Variants in EML6 observed in about 807,000 individuals in gnomAD.
EML6 encodes EMAP like 6.
EML6 carries 154 observed loss-of-function variants against 240.1 expected under a neutral mutation model. The ratio of observed to expected loss-of-function variants is 0.64; its 90% CI spans 0.56 to 0.73. The LOEUF (loss-of-function observed/expected upper bound fraction) is 0.73. Ranked by LOEUF, EML6 falls within the 30% of genes least tolerant of loss-of-function variation. EML6 has a pLI of 0.00. For synonymous variants in EML6, 1,148 were observed against 899.0 expected (o/e 1.28, Z -4.95); for missense variants, 2,964 against 2,474.6 (o/e 1.20, Z -4.20).
rs532514524 is a variant in EML6, at chr2:54,874,038, T to A, written c.2344+2433T>A. ...AAATTTAGAGTAATATAAATAGAAT[T>A]TAATCATTTGGTTATTTCCTCTATA... is the stretch of plus-strand genomic sequence containing the variant. On this transcript the variant is annotated intron_variant, in intron 16 of 41. Transcript: ENST00000356458. Among the ~76,000 whole-genome samples the A allele has an allele frequency of 2.0e-4, 31 of 152,360 alleles. No individual in the cohort carries two copies. The South Asian group carries it at 6.0e-3, about 30-fold the overall frequency.
intron 5 of EML6, among the ~76,000 whole-genome samples, chr2:54,825,345 A>G (rs565456089): frequency 6.6e-6 from 1 of 152,286 alleles, no homozygotes; most frequent in African/African-American, 2.4e-5. Flanking sequence ...AATGTTTTCC[A>G]AAGCTTATAC....
At chr2:54,731,337 T>C (rs1051700113) in intron 2 of EML6, among the ~76,000 whole-genome samples, 4 of 152,190 alleles carry the variant, frequency 2.6e-5, no homozygotes, top group African/African-American at 7.2e-5. Context: ...TGTGACATCA[T>C]GAATCTAATT....
chr2:54,736,742 C>G (rs998850934), intron 2 of EML6, among the ~76,000 whole-genome samples: 2 of 152,260 alleles, frequency 1.3e-5, no homozygotes, highest in East Asian at 3.9e-4. Context: ...TCATTGTGGT[C>G]CCCTGGTTTT....
rs759489076 is a variant in EML6 at position 54,847,558 on chromosome 2, C to T, written c.1122C>T (p.Phe374=). ...AAGAGGCGGTTCGCAGTGTAGCTTT[C>T]AGCCCCGACGGATCTCAGCTGGCCC... The part of the protein sequence containing the change: ...NMEEAVRSVA[F]SPDGSQLALG... Residue 374 remains phenylalanine (F), a synonymous_variant, in exon 9 of 42, where the codon TTC becomes TTT. Transcript: ENST00000356458. 3.5e-5 allele frequency: 54 copies of T among 1,552,202 alleles called. No individual in the cohort carries two copies. The highest frequency in any genetic ancestry group is 4.4e-5 in the Non-Finnish European group (51 of 1,147,152).
chr2:54,928,460 G>T lies in EML6; in HGVS notation c.3823G>T (p.Glu1275Ter). 1.3e-6 allele frequency: 2 copies of T among 1,550,298 alleles called. No individual in the cohort carries two copies. The highest frequency in any genetic ancestry group is 1.4e-5 in the African/African-American group (1 of 73,084). ...IWTREFVGTQ[E>*]SKLVDSEESD... is the part of the protein sequence containing the mutation. ...GACCAGGGAGTTTGTGGGGACCCAG[G>T]AGAGCAAGCTGGTGGACAGCGAGGA... Residue 1275 changes from glutamate to a stop codon, truncating the protein, a stop_gained, in exon 27 of 42, where the codon GAG (glutamate) becomes TAG (stop). Coordinates refer to ENST00000356458, the MANE Select transcript of EML6 (RefSeq NM_001039753.4). LOFTEE classifies it high-confidence loss of function.
At chr2:54,805,342 A>G (rs1485785335) in intron 2 of EML6, among the ~76,000 whole-genome samples, 2 of 152,244 alleles carry the variant, frequency 1.3e-5, no homozygotes, top group South Asian at 2.1e-4. Flanking sequence ...TTGCTAGATC[A>G]TAATGGTACG....
chr2:54,737,422 C>A (rs1683447031), intron 2 of EML6, among the ~76,000 whole-genome samples: 1 of 152,170 alleles, frequency 6.6e-6, no homozygotes, highest in Non-Finnish European at 1.5e-5. Flanking sequence ...CCTCAGCCTT[C>A]TGAGTAGCTG....
At chr2:54,886,160 CTTTTTTTT>C (rs869107962) in intron 17 of EML6, among the ~76,000 whole-genome samples, 2 of 82,216 alleles carry the variant, frequency 2.4e-5, no homozygotes, top group Admixed American at 1.7e-4. Context: ...TTTTAACCTT[CTTTTTTTT>C]TTTTTTTTTT....
chr2:54,863,493 C>A (rs1233186863), intron 12 of EML6, among the ~76,000 whole-genome samples: 3 of 152,046 alleles, frequency 2.0e-5, no homozygotes, highest in Non-Finnish European at 4.4e-5. Flanking sequence ...TGCGTTCCAG[C>A]CTAGGAGACA....
At chr2:54,946,944 A>G (rs1249142003) in intron 28 of EML6, among the ~76,000 whole-genome samples, 1 of 151,642 alleles carries the variant, frequency 6.6e-6, no homozygotes, top group Non-Finnish European at 1.5e-5. Flanking sequence ...AAAGCATCGG[A>G]TTGCGTCTGT....
At chr2:54,775,158 A>C (rs1016647762) in intron 2 of EML6, among the ~76,000 whole-genome samples, 5 of 152,164 alleles carry the variant, frequency 3.3e-5, no homozygotes, top group African/African-American at 1.2e-4. Context: ...GGTAGCCAAA[A>C]TAAGCCTTTA....
At position 54,724,875 on chromosome 2, in the gene EML6, C is replaced by A. The variant is rs556847028; in HGVS notation, c.-187C>A. 1.1e-3 allele frequency: 304 copies of A among 283,196 alleles called. 1 individual carries two copies. The highest frequency in any genetic ancestry group is 6.5e-3 in the African/African-American group (287 of 44,124). 17.5% of individuals were successfully genotyped at this position (283,196 alleles called of 1,614,324 possible). On this transcript the variant is annotated 5_prime_UTR_variant, in exon 2 of 42. Transcript: ENST00000356458. This position sits in a 1 kb window ranked among gnomAD's most constrained non-coding sequence, Gnocchi z 5.2. ...TCTGGCGGCCGCACACCGGCGGCGG[C>A]GGCTTGTCTGCGGCGGCTGCAGCGG... is the stretch of plus-strand genomic sequence containing the variant.
At chr2:54,822,495 G>C (rs1401582386) in intron 5 of EML6, among the ~76,000 whole-genome samples, 1 of 152,100 alleles carries the variant, frequency 6.6e-6, no homozygotes, top group Non-Finnish European at 1.5e-5. Flanking sequence ...CCAAACAGAA[G>C]ATCTGAAACC....
chr2:54,844,574 G>A (rs1301391542), intron 8 of EML6, among the ~76,000 whole-genome samples: 2 of 152,156 alleles, frequency 1.3e-5, no homozygotes, highest in Non-Finnish European at 2.9e-5. Flanking sequence ...CGTGCCCTTG[G>A]TCTTCTGCAG....
chr2:54,859,745 A>G (rs1049732912), intron 12 of EML6, 44 bp downstream of exon 12: 1 of 1,478,210 alleles, frequency 6.8e-7, no homozygotes, highest in East Asian at 2.5e-5. Context: ...ATTTTTCAAT[A>G]GGCATTTCAA....
chr2:54,809,162 A>G (rs1426282939), intron 2 of EML6, among the ~76,000 whole-genome samples: 2 of 152,228 alleles, frequency 1.3e-5, no homozygotes, highest in African/African-American at 4.8e-5. Flanking sequence ...ATATTGTGAC[A>G]GTGCTGTCGT....
At chr2:54,729,426 A>G (rs578075939) in intron 2 of EML6, among the ~76,000 whole-genome samples, 2 of 152,356 alleles carry the variant, frequency 1.3e-5, no homozygotes, top group Middle Eastern at 3.4e-3. Context: ...AGTGAATTTT[A>G]TAACCAGAGC....
At position 54,952,678 on chromosome 2, in the gene EML6, C is replaced by T. The variant is rs1275684542; in HGVS notation, c.4298C>T (p.Ala1433Val). 1.3e-6 allele frequency: 2 copies of T among 1,550,476 alleles called. No individual in the cohort carries two copies. The highest frequency in any genetic ancestry group is 1.4e-5 in the African/African-American group (1 of 73,020). ...NQHPKYRNVV[A>V]TSQIGTTPSI... Reference sequence around the variant, plus strand: ...CACCCCAAGTACAGAAACGTGGTGGCCACCAGCCAGATAGGTAGGAGGTCC... The same window carrying T: ...CACCCCAAGTACAGAAACGTGGTGGTCACCAGCCAGATAGGTAGGAGGTCC... Residue 1433 changes from alanine (A) to valine (V), a missense_variant, in exon 31 of 42, where the codon GCC becomes GTC. Ala to Val is a moderately conservative substitution (Grantham distance 64, BLOSUM62 0). Transcript: ENST00000356458.
chr2:54,775,899 T>C (rs1668575392), intron 2 of EML6, among the ~76,000 whole-genome samples: 1 of 152,226 alleles, frequency 6.6e-6, no homozygotes, highest in Non-Finnish European at 1.5e-5. Context: ...GTTTCTAATA[T>C]TGAGCCATCC....
Sources: allele counts gnomAD v4.1 joint callset (sites outside exome capture counted in the v4.1 genomes callset), GRCh38; gene constraint gnomAD v4.1.1; non-coding constraint Gnocchi (gnomAD v3.1); transcripts MANE v1.5; gene names NCBI Gene and HGNC (gene_info 2026-07-23, HGNC 2026-07-21).